Variants in INSL6 observed in about 807,000 individuals in gnomAD.
INSL6 encodes the protein insulin-like peptide INSL6.
INSL6 carries 16 observed loss-of-function variants against 9.4 expected under a neutral mutation model. The observed-to-expected ratio is 1.70, with a 90% CI of 1.15 to 2.59. The LOEUF is 2.59. Among genes scored for constraint, INSL6 ranks in the 30% most tolerant of loss-of-function variants. The pLI is 0.00. For synonymous variants in INSL6, 154 were observed against 96.9 expected (o/e 1.59, Z -3.46); for missense variants, 391 against 257.3 (o/e 1.52, Z -3.56).
the INSL6 span, among the ~76,000 whole-genome samples, chr9:5,081,368 C>G: frequency 6.6e-6 from 1 of 150,806 alleles, no homozygotes; most frequent in African/African-American, 2.4e-5. Flanking sequence ...TTGCTTTGTT[C>G]TCTCCTTTTT....
chr9:5,059,830 G>T, the INSL6 span, among the ~76,000 whole-genome samples: 4 of 152,160 alleles, frequency 2.6e-5, no homozygotes, highest in Middle Eastern at 3.4e-3. Context: ...CTTACTTATT[G>T]TTCATCTGAA....
downstream of INSL6, among the ~76,000 whole-genome samples, chr9:5,120,777 G>C (rs983503535): frequency 9.2e-5 from 14 of 152,300 alleles, 1 homozygote; most frequent in African/African-American, 2.9e-4. Context: ...GGGACTTAGT[G>C]GGTCATTAGA....
the INSL6 span, among the ~76,000 whole-genome samples, chr9:5,106,790 A>G: frequency 6.6e-6 from 1 of 152,184 alleles, no homozygotes; most frequent in African/African-American, 2.4e-5. Context: ...TCAGCAAACT[A>G]GCGCAAGGAC....
chr9:5,087,432 A>G, the INSL6 span, among the ~76,000 whole-genome samples: 1 of 152,132 alleles, frequency 6.6e-6, no homozygotes, highest in African/African-American at 2.4e-5. Flanking sequence ...GGGGTTTACA[A>G]TTCAAGATGA....
At chr9:5,138,888 G>T (rs755227176) in intron 2 of INSL6, among the ~76,000 whole-genome samples, 17 of 148,922 alleles carry the variant, frequency 1.1e-4, no homozygotes, top group Non-Finnish European at 3.0e-5. Context: ...CTGTCGGGTT[G>T]TTTTTATATA....
At chr9:5,127,611 T>A (rs1369753785) in intron 3 of INSL6, 1 of 231,922 alleles carries the variant, frequency 4.3e-6, no homozygotes, top group Non-Finnish European at 8.6e-6. Flanking sequence ...TGAACAGTTT[T>A]CTTTTAAAAT....
chr9:5,085,311 T>C, the INSL6 span: 1 of 744,554 alleles, frequency 1.3e-6, no homozygotes, highest in Non-Finnish European at 2.5e-6. Context: ...TGAAGTCGAA[T>C]ACATCATCTA....
chr9:5,164,004 G>A lies in INSL6; in HGVS notation c.551C>T (p.Thr184Ile). Reference sequence around the variant, plus strand: ...ACATGCAATGCTAAGTTCTTCTTTTGTACATCCTGTAAGACAACACTTTTC... The same window carrying A: ...ACATGCAATGCTAAGTTCTTCTTTTATACATCCTGTAAGACAACACTTTTC... ...YSEKCCLTGC[T>I]KEELSIACLP... Residue 184 changes from threonine (T) to isoleucine (I), a missense_variant, in exon 2 of 2, where the codon ACA (threonine) becomes ATA (isoleucine). Transcript: ENST00000381641. 6.2e-7 allele frequency: 1 copy of A among 1,613,072 alleles called. No individual in the cohort carries two copies. The highest frequency in any genetic ancestry group is 8.5e-7 in the Non-Finnish European group (1 of 1,179,718).
intron 2 of INSL6, among the ~76,000 whole-genome samples, chr9:5,142,737 T>C (rs1406716040): frequency 6.6e-6 from 1 of 152,210 alleles, no homozygotes; most frequent in Non-Finnish European, 1.5e-5. Flanking sequence ...AGTACTATGT[T>C]GAATAGGAGT....
At chr9:5,061,944 G>T in the INSL6 span, among the ~76,000 whole-genome samples, 1 of 152,178 alleles carries the variant, frequency 6.6e-6, no homozygotes, top group East Asian at 1.9e-4. Context: ...TGTGTCTGAG[G>T]GAATAGGGAG....
the INSL6 span, among the ~76,000 whole-genome samples, chr9:5,113,307 CG>C: frequency 7.0e-6 from 1 of 143,556 alleles, no homozygotes; most frequent in African/African-American, 2.6e-5. Context: ...GTGGAGAAAT[CG>C]TAACATATCA....
downstream of INSL6, among the ~76,000 whole-genome samples, chr9:5,122,818 C>T (rs539789840): frequency 1.3e-5 from 2 of 151,322 alleles, no homozygotes; most frequent in East Asian, 3.9e-4. Context: ...TTGTGGAATC[C>T]CTCCTGAAAT....
At chr9:5,056,282 T>A in the INSL6 span, among the ~76,000 whole-genome samples, 1,358 of 152,226 alleles carry the variant, frequency 8.9e-3, 17 homozygotes, top group African/African-American at 0.03. Context: ...TCTCTTTTTT[T>A]AAATAGCTTC....
chr9:5,042,978 G>C, the INSL6 span, among the ~76,000 whole-genome samples: 1 of 152,242 alleles, frequency 6.6e-6, no homozygotes. Context: ...CCGACCCTCA[G>C]AAGCTGAGGG....
At chr9:5,103,410 G>T in the INSL6 span, among the ~76,000 whole-genome samples, 1 of 151,822 alleles carries the variant, frequency 6.6e-6, no homozygotes. Flanking sequence ...GCAGCACCAA[G>T]ATTCATAAAG....
the INSL6 span, chr9:5,080,492 A>C: frequency 6.4e-7 from 1 of 1,555,222 alleles, no homozygotes; most frequent in South Asian, 1.2e-5. Flanking sequence ...TTGGTGTGGC[A>C]TTACACAATT....
chr9:5,160,877 A>G (rs1824911995), downstream of INSL6, among the ~76,000 whole-genome samples: 1 of 152,182 alleles, frequency 6.6e-6, no homozygotes, highest in Non-Finnish European at 1.5e-5. Flanking sequence ...CAACTTACCA[A>G]GATTAAAACA....
chr9:5,018,286 C>G, the INSL6 span, among the ~76,000 whole-genome samples: 2 of 152,024 alleles, frequency 1.3e-5, no homozygotes, highest in Non-Finnish European at 2.9e-5. Flanking sequence ...TTGATACTTT[C>G]GTCATCTGTT....
At chr9:5,004,768 T>G in the INSL6 span, among the ~76,000 whole-genome samples, 1 of 152,164 alleles carries the variant, frequency 6.6e-6, no homozygotes, top group Non-Finnish European at 1.5e-5. Context: ...AGTTTCTTTT[T>G]CTCCACACAC....
Sources: allele counts gnomAD v4.1 joint callset (sites outside exome capture counted in the v4.1 genomes callset), GRCh38; gene constraint gnomAD v4.1.1; transcripts MANE v1.5; gene names NCBI Gene and HGNC (gene_info 2026-07-23, HGNC 2026-07-21).